The following RNF166 variants were observed in gnomAD, a reference collection of about 807,000 sequenced individuals.
The protein encoded by RNF166 is E3 ubiquitin-protein ligase RNF166.
In RNF166, 19 loss-of-function variants were observed where a neutral mutation model predicts 29.4. The ratio of observed to expected loss-of-function variants is 0.65; its 90% CI spans 0.45 to 0.95. The LOEUF (loss-of-function observed/expected upper bound fraction) is 0.95, where lower values mean the gene tolerates loss of function less well. RNF166 is among the 40% of genes least tolerant of loss of function. RNF166 has a pLI of 0.00. For missense variants in RNF166, 347 were observed against 322.1 expected (o/e 1.08, Z -0.59); for synonymous variants, 171 against 134.5 (o/e 1.27, Z -1.88).
intron 1 of RNF166, among the ~76,000 whole-genome samples, chr16:88,705,373 C>T (rs536332856): frequency 6.6e-6 from 1 of 152,352 alleles, no homozygotes; most frequent in South Asian, 2.1e-4. Flanking sequence ...TCTCCCCTGC[C>T]ACTGCTGATT....
intron 1 of RNF166, chr16:88,703,305 GT>G: frequency 2.0e-6 from 2 of 985,408 alleles, no homozygotes; most frequent in Non-Finnish European, 2.4e-6. Context: ...CACCTCCTGA[GT>G]GAACCCTGAG....
intron 4 of RNF166, 28 bp downstream of exon 4, chr16:88,698,943 G>A: frequency 6.7e-7 from 1 of 1,502,544 alleles, no homozygotes; most frequent in Non-Finnish European, 9.1e-7. Flanking sequence ...CCCTGGCGCA[G>A]GCGTCGCTTG....
Position 88,697,496 on chromosome 16 carries a change from G to T in RNF166, c.*72C>A. 1.7e-6 allele frequency: 2 copies of T among 1,146,802 alleles called. No individual in the cohort carries two copies. The highest frequency in any genetic ancestry group is 2.5e-6 in the Non-Finnish European group (2 of 785,428). The allele number at this position is 1,146,802 out of a possible 1,614,324, so 71.0% of individuals were successfully genotyped here. ...TCAGTCCGGTGAGGTGCGCTCCCGA[G>T]CAGGTGCCAGGTGCGACACAGGAGC... On this transcript the variant is annotated 3_prime_UTR_variant, in exon 6 of 6. Transcript: ENST00000312838.
chr16:88,697,647 GGA>G lies in RNF166; in HGVS notation c.649-16_649-15del, dbSNP rs1195649494. The G allele has an allele frequency of 6.5e-7, 1 of 1,545,206 alleles. No individual in the cohort carries two copies. Among genetic ancestry groups the G allele is most frequent in the Non-Finnish European group, 8.8e-7 (1 of 1,142,118 alleles). ...AATACTGTAGTCCTGGAGACAGGAA[GGA>G]GAGATGCACCGGGCTCGAGGGAGAC... is the stretch of plus-strand genomic sequence containing the variant. On this transcript the variant is annotated splice_polypyrimidine_tract_variant and intron_variant, in intron 5 of 5. Coordinates refer to ENST00000312838, the MANE Select transcript of RNF166 (RefSeq NM_178841.4).
intron 1 of RNF166, chr16:88,703,906 G>A (rs45615138): frequency 0.36 from 355,644 of 985,338 alleles, 68,051 homozygotes; most frequent in Non-Finnish European, 0.39. Context: ...TGTCCTGCAC[G>A]AGTGGAGGCT....
chr16:88,706,047 GCCCCGGCGCCCCGAGT>G (rs1227570008), intron 1 of RNF166, 108 bp downstream of exon 1: 7 of 514,236 alleles, frequency 1.4e-5, no homozygotes, highest in East Asian at 1.4e-4. Flanking sequence ...GCGCCCCGAG[GCCCCGGCGCCCCGAGT>G]CCCCGCGCGC....
intron 1 of RNF166, among the ~76,000 whole-genome samples, chr16:88,702,164 TGCAGACGCAC>T (rs2142657930): frequency 1.2e-4 from 1 of 8,224 alleles, no homozygotes; most frequent in African/African-American, 3.2e-4. Context: ...CCTCCCGCTC[TGCAGACGCAC>T]ACAGCCCTTG....
rs914538480 is a variant in RNF166 at position 88,697,418 on chromosome 16, G to A, written c.*150C>T. 2.7e-5 allele frequency: 16 copies of A among 597,206 alleles called. No homozygotes were observed. Among genetic ancestry groups the A allele is most frequent in the Non-Finnish European group, 4.1e-5 (14 of 338,054 alleles). The allele number at this position is 597,206 out of a possible 1,614,324, so 37.0% of individuals were successfully genotyped here. On this transcript the variant is annotated 3_prime_UTR_variant, in exon 6 of 6. Transcript: ENST00000312838. Reference sequence around the variant, plus strand: ...CGGCGGCTGGCCCGTATTCAGGCCCGGAGGCTCGGCCCCGGCTCCCCTTCT... The same window carrying A: ...CGGCGGCTGGCCCGTATTCAGGCCCAGAGGCTCGGCCCCGGCTCCCCTTCT...
chr16:88,701,274 G>A lies in RNF166; in HGVS notation c.300C>T (p.Gly100=), dbSNP rs1023214213. ...QLSSYKAPCR[G]CNKKVTLAKM... is the part of the protein sequence containing the mutation. ...AGCAGGCGGGTACCTTTTTGTTGCA[G>A]CCTCGACAGGGCGCTTTGTAGGATG... is the stretch of plus-strand genomic sequence containing the variant. Residue 100 remains glycine (G), a synonymous_variant, in exon 2 of 6, where the codon GGC becomes GGT. Coordinates refer to ENST00000312838, the MANE Select transcript of RNF166 (RefSeq NM_178841.4). The A allele has an allele frequency of 6.2e-6, 10 of 1,613,702 alleles. No individual in the cohort carries two copies. Among genetic ancestry groups the A allele is most frequent in the Non-Finnish European group, 7.6e-6 (9 of 1,179,940 alleles).
intron 1 of RNF166, chr16:88,703,871 C>G: frequency 2.0e-6 from 2 of 985,462 alleles, no homozygotes; most frequent in Non-Finnish European, 2.4e-6. Context: ...GCTGGCAGGC[C>G]AGCACCCTCA....
rs1200482393 is a variant in RNF166, at chr16:88,696,745, C to T, written c.*823G>A. 2.5e-6 allele frequency: 1 copy of T among 394,314 alleles called. No homozygotes were observed. The highest frequency in any genetic ancestry group is 5.0e-6 in the Non-Finnish European group (1 of 201,836). The allele number at this position is 394,314 out of a possible 1,614,324, so 24.4% of individuals were successfully genotyped here. A position where few individuals can be genotyped will look rare whatever the true frequency, so the allele number is the denominator to read the frequency against. On this transcript the variant is annotated 3_prime_UTR_variant, in exon 6 of 6. Coordinates refer to ENST00000312838, the MANE Select transcript of RNF166 (RefSeq NM_178841.4). ...GAGGCCCCTTCTCTGCCGGCCCCGCCTCTGCTGGGAGCAGCCACAGCCTGT... is the reference window on the plus strand; with the variant it reads ...GAGGCCCCTTCTCTGCCGGCCCCGCTTCTGCTGGGAGCAGCCACAGCCTGT...
intron 3 of RNF166, 86 bp from the exon 4 acceptor site, chr16:88,699,171 C>T (rs1457209596): frequency 2.1e-6 from 2 of 964,432 alleles, no homozygotes; most frequent in African/African-American, 1.6e-5. Context: ...GGCGTGGCCC[C>T]AGGCCTGCCC....
chr16:88,701,168 G>T (rs909548781), intron 2 of RNF166, 94 bp downstream of exon 2: 14 of 1,499,442 alleles, frequency 9.3e-6, no homozygotes, highest in Non-Finnish European at 1.3e-5. Context: ...ACAGGAAAGA[G>T]AGAGGGCCCC....
intron 1 of RNF166, chr16:88,702,732 G>C: frequency 2.0e-6 from 2 of 985,444 alleles, no homozygotes; most frequent in Non-Finnish European, 2.4e-6. Context: ...AAGTGAACAA[G>C]CCTTTTTCTG....
rs1291296938 is a variant in RNF166 at position 88,706,259 on chromosome 16, C to A, written c.67G>T (p.Gly23Cys). 31 of 1,299,554 alleles carry A rather than the reference C, an allele frequency of 2.4e-5. No individual in the cohort carries two copies. Among genetic ancestry groups the A allele is most frequent in the Non-Finnish European group, 2.9e-5 (30 of 1,021,628 alleles). 80.5% of individuals were successfully genotyped at this position (1,299,554 alleles called of 1,614,324 possible). A position where few individuals can be genotyped will look rare whatever the true frequency, so the allele number is the denominator to read the frequency against. The change falls in exon 1 of 6, where the codon GGC becomes TGC. Residue 23 changes from glycine to cysteine, a missense_variant. Gly to Cys is a radical substitution (Grantham distance 159). Transcript: ENST00000312838. The stretch of plus-strand genomic sequence containing the variant: ...TACTGCGCCTCCAGGCCGCTGTCGC[C>A]GCCCGCCGGCCCGGCCGGCGGCTGC... ...QRQPPAGPAG[G>C]DSGLEAQYTC...
Position 88,697,311 on chromosome 16 carries a change from C to T in RNF166, c.*257G>A. 2.5e-6 allele frequency: 1 copy of T among 392,290 alleles called. No homozygotes were observed. The highest frequency in any genetic ancestry group is 4.7e-6 in the Non-Finnish European group (1 of 214,008). The allele number at this position is 392,290 out of a possible 1,614,324, so 24.3% of individuals were successfully genotyped here. A position where few individuals can be genotyped will look rare whatever the true frequency, so the allele number is the denominator to read the frequency against. ...TCCAGGTCCCAGCGTCCAGCCCTGC[C>T]CAAGTAGGCCGCCTGCTCGGCCAGA... On this transcript the variant is annotated 3_prime_UTR_variant, in exon 6 of 6. Coordinates refer to ENST00000312838, the MANE Select transcript of RNF166 (RefSeq NM_178841.4).
intron 1 of RNF166, among the ~76,000 whole-genome samples, chr16:88,705,151 A>C (rs1184741510): frequency 1.3e-5 from 2 of 152,226 alleles, no homozygotes; most frequent in African/African-American, 4.8e-5. Flanking sequence ...TAATGAAGGC[A>C]GCTCTGCATC....
chr16:88,697,510 C>G lies in RNF166; in HGVS notation c.*58G>C. 2 of 1,317,060 alleles carry G rather than the reference C, an allele frequency of 1.5e-6. No homozygotes were observed. The allele number at this position is 1,317,060 out of a possible 1,614,324, so 81.6% of individuals were successfully genotyped here. A position where few individuals can be genotyped will look rare whatever the true frequency, so the allele number is the denominator to read the frequency against. The stretch of plus-strand genomic sequence containing the variant: ...TGCGCTCCCGAGCAGGTGCCAGGTG[C>G]GACACAGGAGCGGGGACATCCCTGA... On this transcript the variant is annotated 3_prime_UTR_variant, in exon 6 of 6. Coordinates refer to ENST00000312838, the MANE Select transcript of RNF166 (RefSeq NM_178841.4).
At chr16:88,706,084 G>C (rs978276637) in intron 1 of RNF166, 87 bp downstream of exon 1, 3 of 920,724 alleles carry the variant, frequency 3.3e-6, no homozygotes, top group Non-Finnish European at 2.6e-6. Flanking sequence ...CCAGTCCGGA[G>C]CTGCACCGGG....
Sources: gnomAD v4.1 joint callset for allele counts (sites outside exome capture counted in the v4.1 genomes callset) on GRCh38, gnomAD v4.1.1 for gene constraint, MANE v1.5 for transcripts, NCBI Gene and HGNC (gene_info 2026-07-23, HGNC 2026-07-21) for gene names.